Variants in CEP126 observed in about 807,000 individuals in gnomAD.
CEP126 encodes centrosomal protein 126, also known as centrosomal protein of 126 kDa.
CEP126 carries 74 observed loss-of-function variants against 107.8 expected under a neutral mutation model. The observed-to-expected ratio is 0.69, with a 90% CI of 0.57 to 0.83. The LOEUF (loss-of-function observed/expected upper bound fraction) is 0.83, where lower values mean the gene tolerates loss of function less well. CEP126 is among the 40% of genes least tolerant of loss of function. The pLI is 0.00. For synonymous variants in CEP126, 449 were observed against 446.0 expected, an observed-to-expected ratio of 1.01 and a Z score of -0.08; for missense variants, 1,237 against 1,281.9, an observed-to-expected ratio of 0.96 and a Z score of 0.53.
chr11:101,938,274 T>C (rs1940620103), intron 2 of CEP126, among the ~76,000 whole-genome samples: 1 of 151,682 alleles, frequency 6.6e-6, no homozygotes, highest in South Asian at 2.1e-4. Context: ...GAGGTATTTG[T>C]AGTGATACCC....
chr11:101,988,727 T>C lies in CEP126; in HGVS notation c.3244+1686T>C, dbSNP rs1481421751. ...CTCAAGAAGGGGGGTGAATTAAAAA[T>C]ATGTTCAGACAAAAACGAAGAGACT... is the stretch of plus-strand genomic sequence containing the variant. On this transcript the variant is annotated intron_variant, in intron 9 of 10. Transcript: ENST00000263468. 4.6e-5 allele frequency among the ~76,000 whole-genome samples: 7 copies of C among 151,962 alleles called. No individual in the cohort carries two copies. In the East Asian group the frequency reaches 1.3e-3, roughly 29 times the overall value.
At chr11:101,941,643 G>A (rs1438541205) in intron 2 of CEP126, among the ~76,000 whole-genome samples, 2 of 151,886 alleles carry the variant, frequency 1.3e-5, no homozygotes, top group African/African-American at 4.8e-5. Context: ...TCACTTCTTT[G>A]GGATATAGTC....
intron 6 of CEP126, among the ~76,000 whole-genome samples, chr11:101,967,025 CTTTTTTTTTT>C (rs759877416): frequency 9.3e-6 from 1 of 107,088 alleles, no homozygotes; most frequent in Non-Finnish European, 1.8e-5. Context: ...CTCTTTCTTT[CTTTTTTTTTT>C]TTTTTTTTTT....
chr11:101,966,662 C>T (rs1238583688), intron 6 of CEP126, among the ~76,000 whole-genome samples: 1 of 151,996 alleles, frequency 6.6e-6, no homozygotes, highest in African/African-American at 2.4e-5. Context: ...ATCCTGATCC[C>T]TCTCACTCCT....
chr11:101,936,157 GA>G (rs1940575551), intron 2 of CEP126, among the ~76,000 whole-genome samples: 1 of 152,046 alleles, frequency 6.6e-6, no homozygotes, highest in African/African-American at 2.4e-5. Flanking sequence ...TGCAGTCCAT[GA>G]AATCCATGAA....
In CEP126 at chr11:101,963,563, T is replaced by G; in HGVS notation, c.2528T>G (p.Val843Gly). 1 of 1,614,180 alleles carries G rather than the reference T, an allele frequency of 6.2e-7. No individual in the cohort carries two copies. Among genetic ancestry groups the G allele is most frequent in the East Asian group, 2.2e-5 (1 of 44,884 alleles). ...CATAACTCTTTTAATTCAAAACATG[T>G]GCTTCCAACAGAACACAGTTTGAAT... ...ITHNSFNSKH[V>G]LPTEHSLNQW... Residue 843 changes from valine (V) to glycine (G), a missense_variant, in exon 6 of 11, where the codon GTG becomes GGG. By Grantham distance (109) the Val-to-Gly change is moderately radical. This residue lies in a region of CEP126 where 1,134 missense variants were observed against 1,150.5 expected (regional missense o/e 0.99). Transcript: ENST00000263468.
intron 6 of CEP126, 56 bp from the exon 7 acceptor site, chr11:101,978,291 A>T: frequency 9.1e-7 from 1 of 1,098,874 alleles, no homozygotes; most frequent in Non-Finnish European, 1.4e-6. Flanking sequence ...TGCAGTGGGT[A>T]TATATTGGCT....
chr11:101,936,592 A>G (rs1940582666), intron 2 of CEP126, among the ~76,000 whole-genome samples: 1 of 152,156 alleles, frequency 6.6e-6, no homozygotes, highest in Non-Finnish European at 1.5e-5. Context: ...TAGGACTTCC[A>G]GTGCAAATGG....
chr11:101,938,159 C>CAAAAAAAAAAAAAAAAAAAAAAAAA (rs1491167740), intron 2 of CEP126, among the ~76,000 whole-genome samples: 19 of 39,232 alleles, frequency 4.8e-4, no homozygotes, highest in Non-Finnish European at 6.9e-4. Flanking sequence ...GACTCTGTCT[C>CAAAAAAAAAAAAAAAAAAAAAAAAA]AAAAAAAAAA....
intron 9 of CEP126, among the ~76,000 whole-genome samples, chr11:101,987,311 A>G (rs1282342371): frequency 6.6e-6 from 1 of 152,208 alleles, no homozygotes; most frequent in Non-Finnish European, 1.5e-5. Context: ...CTACATATCT[A>G]TACTGACCAT....
chr11:101,919,219 G>A (rs1940284051), intron 1 of CEP126, among the ~76,000 whole-genome samples: 1 of 152,118 alleles, frequency 6.6e-6, no homozygotes, highest in African/African-American at 2.4e-5. Flanking sequence ...CCTGAGTTAA[G>A]GGAGAGGAAG....
At chr11:101,994,998 AT>A (rs1264847440) in intron 10 of CEP126, among the ~76,000 whole-genome samples, 3 of 151,540 alleles carry the variant, frequency 2.0e-5, no homozygotes, top group Admixed American at 6.6e-5. Context: ...TACATTAGGT[AT>A]TTCCCCTAAT....
chr11:101,945,914 G>A (rs984458066), intron 3 of CEP126, among the ~76,000 whole-genome samples: 4 of 152,134 alleles, frequency 2.6e-5, no homozygotes, highest in African/African-American at 9.7e-5. Context: ...GGAAAAAAGG[G>A]AAAATGCATA....
Position 101,982,834 on chromosome 11 carries a change from A to T in CEP126, c.3034+870A>T, listed in dbSNP as rs139701125. ...AATCCAAAATTTTTTGACCCCTGAC[A>T]TGATACCACAAATGGAAAATTTTAC... On this transcript the variant is annotated intron_variant, in intron 8 of 10. Transcript: ENST00000263468. 8.3e-4 allele frequency among the ~76,000 whole-genome samples: 127 copies of T among 152,304 alleles called. 1 individual carries two copies. Among genetic ancestry groups the T allele is most frequent in the African/African-American group, 2.9e-3 (122 of 41,570 alleles).
intron 2 of CEP126, among the ~76,000 whole-genome samples, chr11:101,940,402 A>G (rs1291341658): frequency 1.3e-5 from 2 of 152,210 alleles, no homozygotes; most frequent in African/African-American, 2.4e-5. Flanking sequence ...GTTCATAAAC[A>G]TTTCTCCCCA....
Position 101,963,505 on chromosome 11 carries a change from G to C in CEP126, c.2470G>C (p.Val824Leu), listed in dbSNP as rs763657479. 7 of 1,614,026 alleles carry C rather than the reference G, an allele frequency of 4.3e-6. No homozygotes were observed. In the South Asian group the frequency reaches 7.7e-5, roughly 18 times the overall value. The change falls in exon 6 of 11, where the codon GTA becomes CTA. Residue 824 changes from valine (V) to leucine (L), a missense_variant. Physicochemically the swap from Val to Leu is conservative, Grantham distance 32. Coordinates refer to ENST00000263468, the MANE Select transcript of CEP126 (RefSeq NM_020802.4). ...KNIQVSQCQP[V>L]TPENPQNIIT... ...TATACAAGTGTCTCAGTGTCAACCA[G>C]TAACTCCTGAAAATCCTCAAAACAT...
chr11:101,986,930 C>T lies in CEP126; in HGVS notation c.3133C>T (p.Gln1045Ter), dbSNP rs1431787491. The T allele has an allele frequency of 6.2e-7, 1 of 1,613,570 alleles. No homozygotes were observed. Among genetic ancestry groups the T allele is most frequent in the African/African-American group, 1.3e-5 (1 of 74,890 alleles). ...ILTVLNSKQI[Q>*]KSNLPLNKTQ... Reference sequence around the variant, plus strand: ...GACTGTCTTGAATAGCAAACAGATACAGAAATCAAATCTACCTTTAAATAA... The same window carrying T: ...GACTGTCTTGAATAGCAAACAGATATAGAAATCAAATCTACCTTTAAATAA... The change falls in exon 9 of 11, where the codon CAG (glutamine) becomes TAG (stop). Residue 1045 changes from glutamine (Q) to a stop codon, truncating the protein, a stop_gained. Transcript: ENST00000263468. LOFTEE classifies it high-confidence loss of function.
chr11:101,991,724 C>T (rs933204114), intron 9 of CEP126, among the ~76,000 whole-genome samples: 9 of 152,112 alleles, frequency 5.9e-5, no homozygotes, highest in Admixed American at 1.3e-4. Context: ...ATTTTCCAAA[C>T]TGGAACAGTA....
At chr11:101,928,083 C>G (rs1320366510) in intron 2 of CEP126, among the ~76,000 whole-genome samples, 1 of 151,994 alleles carries the variant, frequency 6.6e-6, no homozygotes, top group Non-Finnish European at 1.5e-5. Flanking sequence ...GCAGTAATAT[C>G]TCATTGTGGT....
Sources: gnomAD v4.1 joint callset for allele counts (sites outside exome capture counted in the v4.1 genomes callset) on GRCh38, gnomAD v4.1.1 for gene constraint, gnomAD v4.1.1 regional missense constraint, MANE v1.5 for transcripts, NCBI Gene and HGNC (gene_info 2026-07-23, HGNC 2026-07-21) for gene names.